CIDEB: variants seen among roughly 807,000 people sequenced by gnomAD.
CIDEB encodes the protein cell death inducing DFFA like effector b.
In CIDEB, 27 loss-of-function variants were observed where a neutral mutation model predicts 22.4. The ratio of observed to expected loss-of-function variants is 1.21; its 90% CI spans 0.89 to 1.66. The LOEUF (loss-of-function observed/expected upper bound fraction) is 1.66. CIDEB is among the 40% of genes most tolerant of loss of function. CIDEB has a pLI of 0.00. For missense variants in CIDEB, 289 were observed against 268.7 expected (o/e 1.08, Z -0.53); for synonymous variants, 103 against 109.5 (o/e 0.94, Z 0.37).
At position 24,306,082 on chromosome 14, in the gene CIDEB, A is replaced by G. The variant is rs34740317; in HGVS notation, c.392T>C (p.Ile131Thr). The G allele has an allele frequency of 1.9e-6, 3 of 1,613,968 alleles. No individual in the cohort carries two copies. The highest frequency in any genetic ancestry group is 1.7e-6 in the Non-Finnish European group (2 of 1,180,034). Residue 131 changes from isoleucine (I) to threonine (T), a missense_variant, in exon 4 of 5, where the codon ATC becomes ACC. Ile to Thr is a moderately conservative substitution (Grantham distance 89). Coordinates refer to ENST00000554411, the MANE Select transcript of CIDEB (RefSeq NM_001393339.1). Reference sequence around the variant, plus strand: ...GTACACGTCAAAGGTGAATCGGGCGATGTCCTTGCTGTGCTTGGGCCTCTC... The same window carrying G: ...GTACACGTCAAAGGTGAATCGGGCGGTGTCCTTGCTGTGCTTGGGCCTCTC... ...GRERPKHSKD[I>T]ARFTFDVYKQ...
At chr14:24,310,861 TG>T, upstream of CIDEB, 1 of 1,591,888 alleles carries the variant, frequency 6.3e-7, no homozygotes, top group East Asian at 2.2e-5. Flanking sequence ...CACCTGGCGC[TG>T]GCCGACGGCG....
chr14:24,311,020 G>T, upstream of CIDEB: 1 of 1,584,058 alleles, frequency 6.3e-7, no homozygotes. Context: ...AGCCTGCAGC[G>T]CTGCCTCGCA....
intron 1 of CIDEB, 22 bp from the exon 2 acceptor site, chr14:24,307,537 C>G: frequency 6.2e-7 from 1 of 1,609,064 alleles, no homozygotes; most frequent in Non-Finnish European, 8.5e-7. Flanking sequence ...GAAGAAAAGT[C>G]AAGAAGGGGC....
upstream of CIDEB, chr14:24,308,340 AGTGGG>A (rs904896756): frequency 4.6e-6 from 1 of 217,004 alleles, no homozygotes; most frequent in African/African-American, 2.3e-5. Context: ...AGTGTGGGGA[AGTGGG>A]ATGGCAGCAT....
At chr14:24,306,564 A>T in intron 2 of CIDEB, 41 bp from the exon 3 acceptor site, 2 of 1,612,996 alleles carry the variant, frequency 1.2e-6, no homozygotes, top group Non-Finnish European at 8.5e-7. Context: ...GTCTTATCCC[A>T]TGCCCCTTCC....
chr14:24,310,796 C>G (rs1435022077), upstream of CIDEB: 1 of 1,604,178 alleles, frequency 6.2e-7, no homozygotes, highest in Non-Finnish European at 8.5e-7. Context: ...TGGTGTGGAG[C>G]TTGGCGGGCT....
At chr14:24,307,746 G>A in intron 1 of CIDEB, 72 bp downstream of exon 1, 6 of 1,478,396 alleles carry the variant, frequency 4.1e-6, no homozygotes, top group Non-Finnish European at 4.6e-6. Flanking sequence ...GTCTCCTAGG[G>A]GCTGAGTGGA....
At chr14:24,307,290 G>A (rs2041540971) in intron 2 of CIDEB, 81 bp downstream of exon 2, 4 of 1,471,706 alleles carry the variant, frequency 2.7e-6, no homozygotes, top group Non-Finnish European at 3.7e-6. Flanking sequence ...TCAGCCCTCT[G>A]CTCCATCATC....
chr14:24,310,416 C>G, upstream of CIDEB: 1 of 652,472 alleles, frequency 1.5e-6, no homozygotes, highest in Non-Finnish European at 2.7e-6. Flanking sequence ...CCACTGAGCT[C>G]TGGGAAGGAG....
chr14:24,311,137 T>C (rs866243916), upstream of CIDEB: 1 of 1,590,892 alleles, frequency 6.3e-7, no homozygotes, highest in Admixed American at 1.7e-5. Context: ...CCGGCCGCCG[T>C]CTACCGCCAC....
upstream of CIDEB, chr14:24,310,921 C>G: frequency 2.5e-6 from 4 of 1,589,060 alleles, no homozygotes; most frequent in Non-Finnish European, 3.4e-6. Context: ...ACCCGGCAGG[C>G]CTGGCCGCTG....
At position 24,305,631 on chromosome 14, in the gene CIDEB, C is replaced by G. The variant is rs2041474544; in HGVS notation, c.*2G>C. On this transcript the variant is annotated 3_prime_UTR_variant, in exon 5 of 5. Coordinates refer to ENST00000554411, the MANE Select transcript of CIDEB (RefSeq NM_001393339.1). ...ATTCTGGGGGCAGAAGCTCAGAGCC[C>G]CTTAGTAGGAATGGAGGCGGCCCTT... The G allele has an allele frequency of 6.2e-7, 1 of 1,611,770 alleles. No homozygotes were observed. Among genetic ancestry groups the G allele is most frequent in the Non-Finnish European group, 8.5e-7 (1 of 1,178,974 alleles).
chr14:24,308,052 G>A (rs1594630626), upstream of CIDEB: 1 of 612,490 alleles, frequency 1.6e-6, no homozygotes, highest in Non-Finnish European at 3.0e-6. Flanking sequence ...ATGAGGGAGG[G>A]GCCAGATGGG....
At position 24,305,637 on chromosome 14, in the gene CIDEB, T is replaced by C. The variant is rs1027963801; in HGVS notation, c.656A>G (p.Tyr219Cys). 15 of 1,612,354 alleles carry C rather than the reference T, an allele frequency of 9.3e-6. No homozygotes were observed. Among genetic ancestry groups the C allele is most frequent in the African/African-American group, 2.7e-5 (2 of 74,830 alleles). The change falls in exon 5 of 5, where the codon TAC (tyrosine) becomes TGC (cysteine). Residue 219 changes from tyrosine (Y) to cysteine (C), a missense_variant. Physicochemically the swap from Tyr to Cys is radical, Grantham distance 194. Transcript: ENST00000554411. ...GGGGCAGAAGCTCAGAGCCCCTTAG[T>C]AGGAATGGAGGCGGCCCTTCTGCTG... Reference protein sequence around the residue: ...QWQQKGRLHSY With the variant: ...QWQQKGRLHSC
chr14:24,306,527 C>T lies in CIDEB; in HGVS notation c.187-4G>A. 1.2e-6 allele frequency: 2 copies of T among 1,614,244 alleles called. No individual in the cohort carries two copies. Among genetic ancestry groups the T allele is most frequent in the Admixed American group, 3.3e-5 (2 of 60,022 alleles). On this transcript the variant is annotated splice_polypyrimidine_tract_variant and splice_region_variant and intron_variant, in intron 2 of 4. Coordinates refer to ENST00000554411, the MANE Select transcript of CIDEB (RefSeq NM_001393339.1). ...TCAGCAGTAGGGTCTCCAATGCCTG[C>T]CCAATGGCAAGAAGCAAGAAGGGCA...
chr14:24,307,926 G>T lies in CIDEB; in HGVS notation c.-68C>A. ...GGTTCTCTCCTGTGCTGGGGCTTTA[G>T]TGGTGTTTTCTGTTACAAACCTGGG... On this transcript the variant is annotated 5_prime_UTR_variant, in exon 1 of 5. Coordinates refer to ENST00000554411, the MANE Select transcript of CIDEB (RefSeq NM_001393339.1). 7.1e-7 allele frequency: 1 copy of T among 1,408,572 alleles called. No individual in the cohort carries two copies. The highest frequency in any genetic ancestry group is 9.8e-7 in the Non-Finnish European group (1 of 1,015,966). 87.3% of individuals were successfully genotyped at this position (1,408,572 alleles called of 1,614,324 possible).
Position 24,307,838 on chromosome 14 carries a change from C to T in CIDEB, c.21G>A (p.Leu7=), listed in dbSNP as rs759251111. 3.1e-6 allele frequency: 5 copies of T among 1,595,608 alleles called. No homozygotes were observed. Among genetic ancestry groups the T allele is most frequent in the East Asian group, 2.3e-5 (1 of 44,310 alleles). Residue 7 remains leucine (L), a synonymous_variant, in exon 1 of 5, where the codon CTG becomes CTA. Transcript: ENST00000554411. MEYLSA[L]NPSDLLRSVS... Reference sequence around the variant, plus strand: ...GTCACCTGAGTAAGTCACTGGGGTTCAGAGCTGAGAGGTACTCCATGGTGG... The same window carrying T: ...GTCACCTGAGTAAGTCACTGGGGTTTAGAGCTGAGAGGTACTCCATGGTGG...
At chr14:24,306,726 T>G (rs2041521220) in intron 2 of CIDEB, 2 of 608,712 alleles carry the variant, frequency 3.3e-6, no homozygotes, top group Admixed American at 5.9e-5. Flanking sequence ...CTTTTTCCTC[T>G]TTGCTCCTAC....
rs765280407 is a variant in CIDEB, at chr14:24,307,474, C to A, written c.83G>T (p.Trp28Leu). The change falls in exon 2 of 5, where the codon TGG becomes TTG. Residue 28 changes from tryptophan to leucine, a missense_variant. By Grantham distance (61) the Trp-to-Leu change is moderately conservative. Transcript: ENST00000554411. ...TCGCTGGGGTGGTGGAGCTGAGGTC[C>A]AGACCCTCCGTCCAAACTCCGAGCT... is the stretch of plus-strand genomic sequence containing the variant. The part of the protein sequence containing the change: ...NISSEFGRRV[W>L]TSAPPPQRPF... 8 of 1,614,130 alleles carry A rather than the reference C, an allele frequency of 5.0e-6. 1 individual carries two copies. The South Asian group carries it at 8.8e-5, about 18-fold the overall frequency.
Sources: allele counts gnomAD v4.1 joint callset, GRCh38; gene constraint gnomAD v4.1.1; transcripts MANE v1.5; gene names NCBI Gene and HGNC (gene_info 2026-07-23, HGNC 2026-07-21).